Variants in NKAIN2 observed in about 807,000 individuals in gnomAD.
NKAIN2 encodes the protein sodium/potassium transporting ATPase interacting 2, also known as sodium/potassium-transporting ATPase subunit beta-1-interacting protein 2.
In NKAIN2, 14 loss-of-function variants were observed where a neutral mutation model predicts 32.6. The ratio of observed to expected loss-of-function variants is 0.43; its 90% CI spans 0.28 to 0.67. NKAIN2 has a LOEUF of 0.67. NKAIN2 is among the 30% of genes least tolerant of loss of function. NKAIN2 has a pLI of 0.17. For missense variants in NKAIN2, 198 were observed against 258.3 expected, an observed-to-expected ratio of 0.77 and a Z score of 1.60; for synonymous variants, 80 against 87.2, an observed-to-expected ratio of 0.92 and a Z score of 0.46.
intron 1 of NKAIN2, among the ~76,000 whole-genome samples, chr6:124,027,156 TA>T (rs1464195451): frequency 5.4e-5 from 8 of 148,916 alleles, no homozygotes; most frequent in Admixed American, 5.3e-4. Context: ...TTTTTTTTTT[TA>T]AGACAGATTT....
chr6:123,857,505 A>G (rs534980848), intron 1 of NKAIN2, among the ~76,000 whole-genome samples: 1 of 152,312 alleles, frequency 6.6e-6, no homozygotes, highest in South Asian at 2.1e-4. Flanking sequence ...ATAATAATTG[A>G]AAATTTTTAT....
At chr6:124,154,702 A>G (rs1261262327) in intron 1 of NKAIN2, among the ~76,000 whole-genome samples, 1 of 152,028 alleles carries the variant, frequency 6.6e-6, no homozygotes. Context: ...TTTCTTGAGT[A>G]TACGGAGCAC....
intron 6 of NKAIN2, among the ~76,000 whole-genome samples, chr6:124,818,760 G>C (rs1180370019): frequency 1.3e-5 from 2 of 152,048 alleles, no homozygotes; most frequent in South Asian, 2.1e-4. Context: ...TTGCCAAAAA[G>C]TTGTATTTTT....
intron 3 of NKAIN2, among the ~76,000 whole-genome samples, chr6:124,515,521 T>C (rs1015050951): frequency 6.6e-6 from 1 of 151,900 alleles, no homozygotes; most frequent in Non-Finnish European, 1.5e-5. Flanking sequence ...GGATGATTCA[T>C]AAGAATGAGA....
At chr6:124,356,364 T>C (rs1013851159) in intron 3 of NKAIN2, among the ~76,000 whole-genome samples, 5 of 152,228 alleles carry the variant, frequency 3.3e-5, no homozygotes, top group African/African-American at 1.2e-4. Context: ...GATGTTTGTT[T>C]ATTAGTTAAC....
rs187683850 is a variant in NKAIN2 at position 124,805,273 on chromosome 6, G to A, written c.536-13114G>A. Among the ~76,000 whole-genome samples, 278 of 152,236 alleles carry A rather than the reference G, an allele frequency of 1.8e-3. 1 individual carries two copies. Among genetic ancestry groups the A allele is most frequent in the Non-Finnish European group, 3.4e-3 (229 of 68,014 alleles). ...GGGCAGACTGACATCTCACACGGCCGGGTACTCCTCTGAGACAAAACTTCC... is the reference window on the plus strand; with the variant it reads ...GGGCAGACTGACATCTCACACGGCCAGGTACTCCTCTGAGACAAAACTTCC... On this transcript the variant is annotated intron_variant, in intron 5 of 6. Coordinates refer to ENST00000368417, the MANE Select transcript of NKAIN2 (RefSeq NM_001040214.3).
intron 2 of NKAIN2, among the ~76,000 whole-genome samples, chr6:124,353,439 T>C (rs1164921175): frequency 3.3e-5 from 5 of 152,092 alleles, no homozygotes; most frequent in Admixed American, 2.6e-4. Flanking sequence ...GTAAAAGTAT[T>C]CAAGAATACA....
intron 1 of NKAIN2, among the ~76,000 whole-genome samples, chr6:124,011,318 A>C (rs1379144837): frequency 6.6e-6 from 1 of 151,810 alleles, no homozygotes; most frequent in Non-Finnish European, 1.5e-5. Context: ...TCTGTTTTAC[A>C]CATTCTACCT....
chr6:124,110,961 A>G (rs1785358857), intron 1 of NKAIN2, among the ~76,000 whole-genome samples: 1 of 152,046 alleles, frequency 6.6e-6, no homozygotes, highest in Admixed American at 6.6e-5. Flanking sequence ...AGAATTTAGT[A>G]GTGAAGTCAT....
intron 3 of NKAIN2, among the ~76,000 whole-genome samples, chr6:124,405,855 A>G (rs534034844): frequency 5.3e-4 from 81 of 152,358 alleles, no homozygotes; most frequent in African/African-American, 1.9e-3. Flanking sequence ...AATGGCAAAA[A>G]GAATTCAGTA....
At chr6:124,249,747 G>A (rs952569293) in intron 1 of NKAIN2, among the ~76,000 whole-genome samples, 4 of 152,032 alleles carry the variant, frequency 2.6e-5, no homozygotes, top group Non-Finnish European at 4.4e-5. Context: ...GAACTCTTGT[G>A]TCCTGGAGTT....
intron 1 of NKAIN2, among the ~76,000 whole-genome samples, chr6:124,093,390 G>A (rs746904112): frequency 3.9e-5 from 6 of 152,014 alleles, no homozygotes; most frequent in Non-Finnish European, 5.9e-5. Flanking sequence ...ACTTTCTAGC[G>A]GTGTGACATT....
chr6:124,268,134 A>G lies in NKAIN2; in HGVS notation c.55-14871A>G, dbSNP rs141558628. Among the ~76,000 whole-genome samples the G allele has an allele frequency of 5.2e-3, 787 of 152,310 alleles. 5 individuals are homozygous for G. The highest frequency in any genetic ancestry group is 6.8e-3 in the Middle Eastern group (2 of 294). ...TATACTTGCATTTGTGTTTACAACA[A>G]GCATCGTGTAAACATACAATTCTAG... On this transcript the variant is annotated intron_variant, in intron 1 of 6. Transcript: ENST00000368417.
intron 1 of NKAIN2, among the ~76,000 whole-genome samples, chr6:124,184,205 T>C (rs1236540438): frequency 6.6e-6 from 1 of 152,140 alleles, no homozygotes; most frequent in African/African-American, 2.4e-5. Flanking sequence ...TCGAAATGTT[T>C]GGTTCTCTTC....
At chr6:124,094,427 C>T (rs1260127160) in intron 1 of NKAIN2, among the ~76,000 whole-genome samples, 1 of 152,088 alleles carries the variant, frequency 6.6e-6, no homozygotes, top group African/African-American at 2.4e-5. Context: ...TCTTACTCCT[C>T]AGAAATTGTG....
intron 1 of NKAIN2, among the ~76,000 whole-genome samples, chr6:123,978,369 A>T (rs1292024820): frequency 1.3e-5 from 2 of 152,182 alleles, no homozygotes; most frequent in African/African-American, 4.8e-5. Context: ...AAGACATGGA[A>T]GTTTGCAACT....
chr6:124,010,620 T>C (rs1355327922), intron 1 of NKAIN2, among the ~76,000 whole-genome samples: 2 of 151,490 alleles, frequency 1.3e-5, no homozygotes, highest in African/African-American at 2.4e-5. Context: ...TTAACCTTTC[T>C]TTACTGCCAT....
chr6:124,759,632 CA>C (rs1562367652), intron 4 of NKAIN2, among the ~76,000 whole-genome samples: 23 of 141,180 alleles, frequency 1.6e-4, no homozygotes, highest in Non-Finnish European at 2.7e-4. Context: ...CACACACACA[CA>C]CACACACACA....
chr6:124,043,655 T>C (rs1781979361), intron 1 of NKAIN2, among the ~76,000 whole-genome samples: 1 of 152,072 alleles, frequency 6.6e-6, no homozygotes, highest in South Asian at 2.1e-4. Flanking sequence ...AACCAGATGG[T>C]AGCTAAGATC....
Sources: gnomAD v4.1 joint callset for allele counts (sites outside exome capture counted in the v4.1 genomes callset) on GRCh38, gnomAD v4.1.1 for gene constraint, MANE v1.5 for transcripts, NCBI Gene and HGNC (gene_info 2026-07-23, HGNC 2026-07-21) for gene names.